SLC13A3: variants seen among roughly 807,000 people sequenced by gnomAD.
The protein encoded by SLC13A3 is solute carrier family 13 member 3, also known as Na(+)/dicarboxylate cotransporter 3.
Under a neutral mutation model 59.0 loss-of-function variants are expected in SLC13A3, and 40 were observed. That is an observed-to-expected ratio of 0.68 (90% CI 0.53 to 0.88). The LOEUF (loss-of-function observed/expected upper bound fraction) is 0.88, where lower values mean the gene tolerates loss of function less well. SLC13A3 is among the 40% of genes least tolerant of loss of function. The probability of loss-of-function intolerance (pLI) is 0.00; values close to 1 mark genes in which losing one functional copy is unlikely to be tolerated. For synonymous variants in SLC13A3, 317 were observed against 330.3 expected (o/e 0.96, Z 0.44); for missense variants, 699 against 783.2 (o/e 0.89, Z 1.28).
chr20:46,596,740 GT>G lies in SLC13A3; in HGVS notation c.609-399del, dbSNP rs56763972. ...AAAAGGCATGTCACAGTACTATTTAGTTTTTTATTTTATAAATACTTATGTT... is the reference window on the plus strand; with the variant it reads ...AAAAGGCATGTCACAGTACTATTTAGTTTTTATTTTATAAATACTTATGTT... On this transcript the variant is annotated intron_variant, in intron 4 of 12. Coordinates refer to ENST00000279027, the MANE Select transcript of SLC13A3 (RefSeq NM_022829.6). 7.1e-3 allele frequency among the ~76,000 whole-genome samples: 1,086 copies of G among 152,264 alleles called. 14 individuals are homozygous for G. Among genetic ancestry groups the G allele is most frequent in the African/African-American group, 0.025 (1,054 of 41,556 alleles).
At chr20:46,677,464 G>A (rs1026508970) in intron 1 of SLC13A3, among the ~76,000 whole-genome samples, 3 of 152,238 alleles carry the variant, frequency 2.0e-5, no homozygotes, top group African/African-American at 4.8e-5. Context: ...TTGCTGGATC[G>A]AATGGGGGCG....
At chr20:46,648,093 T>C (rs183320273) in intron 1 of SLC13A3, among the ~76,000 whole-genome samples, 2 of 152,338 alleles carry the variant, frequency 1.3e-5, no homozygotes, top group East Asian at 3.9e-4. Context: ...CAGCCTCTGT[T>C]TGGGGAGGCT....
chr20:46,607,198 G>A (rs1254861648), intron 3 of SLC13A3, among the ~76,000 whole-genome samples: 3 of 152,190 alleles, frequency 2.0e-5, no homozygotes, highest in African/African-American at 7.2e-5. Context: ...AAGATCAGAT[G>A]AGCTAATGAG....
At chr20:46,661,840 T>TC in intron 1 of SLC13A3, among the ~76,000 whole-genome samples, 1 of 152,296 alleles carries the variant, frequency 6.6e-6, no homozygotes, top group African/African-American at 2.4e-5. Context: ...CCTGACCTGT[T>TC]CCCCTGTGCC....
chr20:46,578,120 C>T (rs1004537785), intron 9 of SLC13A3, among the ~76,000 whole-genome samples: 8 of 151,558 alleles, frequency 5.3e-5, no homozygotes, highest in East Asian at 2.0e-4. Context: ...TTAGTAGAGA[C>T]GGGGTTTCAC....
At chr20:46,605,090 AAG>A (rs2062424574) in intron 3 of SLC13A3, among the ~76,000 whole-genome samples, 1 of 152,188 alleles carries the variant, frequency 6.6e-6, no homozygotes, top group South Asian at 2.1e-4. Context: ...GAGCCCTGAT[AAG>A]AGATTGTATG....
intron 3 of SLC13A3, among the ~76,000 whole-genome samples, chr20:46,606,736 A>G (rs920779193): frequency 1.3e-5 from 2 of 152,212 alleles, no homozygotes; most frequent in African/African-American, 4.8e-5. Context: ...TGGGCCCCTT[A>G]CTGGCCAAGG....
At chr20:46,632,289 G>C (rs925115116) in intron 1 of SLC13A3, among the ~76,000 whole-genome samples, 1 of 152,322 alleles carries the variant, frequency 6.6e-6, no homozygotes, top group Admixed American at 6.5e-5. Flanking sequence ...CTGAGCCTGC[G>C]AAGTGCCAGA....
chr20:46,613,874 T>C, intron 1 of SLC13A3, 149 bp from the exon 2 acceptor site: 1 of 670,130 alleles, frequency 1.5e-6, no homozygotes. Context: ...CGGCTTGTTC[T>C]CAGGGCAGCA....
chr20:46,665,443 T>C (rs988926244), intron 1 of SLC13A3, among the ~76,000 whole-genome samples: 5 of 152,222 alleles, frequency 3.3e-5, no homozygotes, highest in African/African-American at 1.2e-4. Flanking sequence ...AGATACTTTC[T>C]GTCTGTATAG....
chr20:46,618,316 T>G (rs2062582314), intron 1 of SLC13A3, among the ~76,000 whole-genome samples: 1 of 152,130 alleles, frequency 6.6e-6, no homozygotes, highest in South Asian at 2.1e-4. Context: ...ATCATTCACC[T>G]CCCAGAGAGA....
chr20:46,609,838 C>T (rs2062475276), intron 3 of SLC13A3, among the ~76,000 whole-genome samples: 1 of 152,194 alleles, frequency 6.6e-6, no homozygotes, highest in Non-Finnish European at 1.5e-5. Flanking sequence ...CAGTGAATAT[C>T]ACTATGTGCG....
Position 46,559,985 on chromosome 20 carries a change from G to A in SLC13A3, c.*37C>T, listed in dbSNP as rs2061916793. 1 of 1,593,332 alleles carries A rather than the reference G, an allele frequency of 6.3e-7. No homozygotes were observed. Among genetic ancestry groups the A allele is most frequent in the African/African-American group, 1.3e-5 (1 of 74,452 alleles). Reference sequence around the variant, plus strand: ...CAGCAGGTGATGGTGACAGCCCTTTGAGAGGGTTCAGCCTCAAGGGAGTCC... The same window carrying A: ...CAGCAGGTGATGGTGACAGCCCTTTAAGAGGGTTCAGCCTCAAGGGAGTCC... On this transcript the variant is annotated 3_prime_UTR_variant, in exon 13 of 13. Coordinates refer to ENST00000279027, the MANE Select transcript of SLC13A3 (RefSeq NM_022829.6).
chr20:46,625,693 T>C (rs1333506515), intron 1 of SLC13A3, among the ~76,000 whole-genome samples: 1 of 152,222 alleles, frequency 6.6e-6, no homozygotes, highest in Non-Finnish European at 1.5e-5. Context: ...TTCTGGGATA[T>C]AATGGAATCA....
chr20:46,600,717 TA>T (rs1184533640), intron 3 of SLC13A3: 6 of 310,554 alleles, frequency 1.9e-5, no homozygotes, highest in Non-Finnish European at 3.0e-5. Flanking sequence ...TACTATGTGC[TA>T]TTGACTATGT....
intron 9 of SLC13A3, among the ~76,000 whole-genome samples, chr20:46,581,324 C>G (rs538907677): frequency 6.6e-6 from 1 of 152,320 alleles, no homozygotes; most frequent in Admixed American, 6.5e-5. Context: ...GATCCATAGG[C>G]AGGCCAGGGA....
intron 11 of SLC13A3, among the ~76,000 whole-genome samples, chr20:46,563,802 G>A (rs915969583): frequency 3.3e-5 from 5 of 152,162 alleles, no homozygotes; most frequent in Non-Finnish European, 7.4e-5. Context: ...GAGACAAGCA[G>A]GTAAGAAGAG....
At chr20:46,566,483 T>G (rs1377690347) in intron 10 of SLC13A3, 93 bp from the exon 11 acceptor site, 1 of 1,402,766 alleles carries the variant, frequency 7.1e-7, no homozygotes, top group East Asian at 2.4e-5. Flanking sequence ...ATGACGACCA[T>G]ACCCCTTCCC....
intron 10 of SLC13A3, among the ~76,000 whole-genome samples, chr20:46,569,240 C>T (rs571750103): frequency 2.0e-5 from 3 of 152,260 alleles, no homozygotes; most frequent in Admixed American, 2.0e-4. Context: ...ATCCTCCTGC[C>T]TAGGCCTCCC....
Sources: gnomAD v4.1 joint callset for allele counts (sites outside exome capture counted in the v4.1 genomes callset) on GRCh38, gnomAD v4.1.1 for gene constraint, MANE v1.5 for transcripts, NCBI Gene and HGNC (gene_info 2026-07-23, HGNC 2026-07-21) for gene names.